Variants in SPEF2 observed in about 807,000 individuals in gnomAD.
SPEF2 encodes sperm flagella and cilia-associated protein 2.
A neutral mutation model predicts 224.6 loss-of-function variants in SPEF2; 187 were observed. That is an observed-to-expected ratio of 0.83 (90% CI 0.74 to 0.94). SPEF2 has a LOEUF of 0.94. Ranked by LOEUF, SPEF2 falls within the 40% of genes least tolerant of loss-of-function variation. SPEF2 has a pLI of 0.00. For missense variants in SPEF2, 2,170 were observed against 2,135.6 expected (o/e 1.02, Z -0.32); for synonymous variants, 715 against 707.3 (o/e 1.01, Z -0.17).
At chr5:35,703,183 T>A (rs1404729637) in intron 16 of SPEF2, among the ~76,000 whole-genome samples, 2 of 152,044 alleles carry the variant, frequency 1.3e-5, no homozygotes, top group East Asian at 3.9e-4. Context: ...TGATTTTTTT[T>A]AGCTAGGGAA....
At chr5:35,649,816 C>A (rs1227263400) in intron 6 of SPEF2, among the ~76,000 whole-genome samples, 1 of 152,134 alleles carries the variant, frequency 6.6e-6, no homozygotes, top group East Asian at 1.9e-4. Flanking sequence ...AGCATAGAGA[C>A]CAGCAGTAAG....
chr5:35,698,652 G>T (rs865917636), intron 15 of SPEF2: 1 of 152,298 alleles, frequency 6.6e-6, no homozygotes, highest in Admixed American at 6.5e-5. Context: ...TGCCCCTGAG[G>T]CTCCTCCAGA....
chr5:35,801,298 C>T (rs1003740067), intron 34 of SPEF2, among the ~76,000 whole-genome samples: 4 of 152,120 alleles, frequency 2.6e-5, no homozygotes, highest in Admixed American at 2.6e-4. Flanking sequence ...GGTGGCTCAC[C>T]TGAGGTCAGG....
intron 2 of SPEF2, among the ~76,000 whole-genome samples, chr5:35,634,962 A>G (rs1745624038): frequency 6.6e-6 from 1 of 151,994 alleles, no homozygotes; most frequent in Non-Finnish European, 1.5e-5. Flanking sequence ...CTCTTCTTGA[A>G]TGTGATAGTT....
rs180976148 is a variant in SPEF2, at chr5:35,727,829, G to A, written c.3063+6G>A. On this transcript the variant is annotated splice_donor_region_variant and intron_variant, in intron 21 of 36. Transcript: ENST00000356031. ...TGAATGAACCAGTTCCTGAGGTATG[G>A]CCATTTAGAATCAAGCTGGCAGAAT... 2.2e-5 allele frequency: 35 copies of A among 1,605,808 alleles called. No homozygotes were observed. The African/African-American group carries it at 3.6e-4, about 17-fold the overall frequency.
intron 1 of SPEF2, among the ~76,000 whole-genome samples, chr5:35,626,467 G>T (rs1269323255): frequency 6.6e-6 from 1 of 152,164 alleles, no homozygotes; most frequent in Non-Finnish European, 1.5e-5. Context: ...TGAACACAAG[G>T]TTATGTGATT....
At position 35,641,296 on chromosome 5, in the gene SPEF2, T is replaced by G. The variant is rs1580083994; in HGVS notation, c.162-135T>G. The G allele has an allele frequency of 4.9e-6, 5 of 1,026,374 alleles. No individual in the cohort carries two copies. In the East Asian group the frequency reaches 1.3e-4, roughly 27 times the overall value. The allele number at this position is 1,026,374 out of a possible 1,614,324, so 63.6% of individuals were successfully genotyped here. The stretch of plus-strand genomic sequence containing the variant: ...TCTCAATGTAGTTACATTAGAGTGG[T>G]TTTAGAGAGGAATGATACAGCTAAA... On this transcript the variant is annotated intron_variant, in intron 2 of 36. Coordinates refer to ENST00000356031, the MANE Select transcript of SPEF2 (RefSeq NM_024867.4).
chr5:35,750,017 T>C (rs1749162630), intron 23 of SPEF2, among the ~76,000 whole-genome samples: 1 of 152,068 alleles, frequency 6.6e-6, no homozygotes, highest in Non-Finnish European at 1.5e-5. Flanking sequence ...CATAGACCAA[T>C]GGAACAGAAT....
intron 33 of SPEF2, among the ~76,000 whole-genome samples, chr5:35,798,110 A>G (rs1014741693): frequency 3.3e-5 from 5 of 152,088 alleles, no homozygotes; most frequent in African/African-American, 9.7e-5. Flanking sequence ...ACAAGCCACA[A>G]TCAGCTTCAC....
chr5:35,731,782 GA>G (rs973614434), intron 21 of SPEF2, among the ~76,000 whole-genome samples: 24 of 152,154 alleles, frequency 1.6e-4, no homozygotes, highest in Non-Finnish European at 8.8e-5. Flanking sequence ...CTAACAAAGG[GA>G]AAACTATTTA....
intron 10 of SPEF2, among the ~76,000 whole-genome samples, chr5:35,685,822 G>T (rs1370245999): frequency 2.0e-5 from 3 of 147,120 alleles, no homozygotes; most frequent in Non-Finnish European, 4.5e-5. Context: ...GTTAGGAAAT[G>T]AGCTAAATCA....
intron 7 of SPEF2, among the ~76,000 whole-genome samples, chr5:35,656,350 G>A (rs1046362736): frequency 6.6e-6 from 1 of 152,068 alleles, no homozygotes; most frequent in African/African-American, 2.4e-5. Flanking sequence ...TTCTTTCTTA[G>A]TGAAAGTTCA....
Position 35,759,611 on chromosome 5 carries a change from A to T in SPEF2, c.3512A>T (p.Asp1171Val), listed in dbSNP as rs571115396. 1.9e-6 allele frequency: 3 copies of T among 1,611,166 alleles called. No individual in the cohort carries two copies. The highest frequency in any genetic ancestry group is 4.5e-5 in the East Asian group (2 of 44,788). ...RFQDTKRLLQ[D>V]YYWGMESKIP... The stretch of plus-strand genomic sequence containing the variant: ...CAAGATACAAAGAGACTCCTTCAAG[A>T]TTATTACTGGGGAATGGAAAGTAAA... Residue 1171 changes from aspartate (D) to valine (V), a missense_variant, in exon 25 of 37, where the codon GAT becomes GTT. Physicochemically the swap from Asp to Val is radical, Grantham distance 152. Coordinates refer to ENST00000356031, the MANE Select transcript of SPEF2 (RefSeq NM_024867.4).
chr5:35,618,129 C>G, intron 1 of SPEF2, 74 bp downstream of exon 1: 1 of 1,501,700 alleles, frequency 6.7e-7, no homozygotes. Flanking sequence ...GCGCAGCGCA[C>G]TCAGGGAAGG....
intron 25 of SPEF2, among the ~76,000 whole-genome samples, chr5:35,760,600 C>A (rs1751139347): frequency 6.6e-6 from 1 of 152,008 alleles, no homozygotes; most frequent in Non-Finnish European, 1.5e-5. Context: ...AAAAAATAAA[C>A]TTGGTGGTAG....
At chr5:35,630,565 G>A (rs1018166502) in intron 2 of SPEF2, among the ~76,000 whole-genome samples, 3 of 152,072 alleles carry the variant, frequency 2.0e-5, no homozygotes, top group African/African-American at 4.8e-5. Context: ...GCATGGTGGC[G>A]GGCGTCTGTA....
intron 6 of SPEF2, among the ~76,000 whole-genome samples, chr5:35,652,684 A>G (rs1385293330): frequency 2.6e-5 from 4 of 152,192 alleles, no homozygotes; most frequent in African/African-American, 9.6e-5. Flanking sequence ...GAAAAATAGG[A>G]TACTTCTCTT....
chr5:35,712,713 T>C (rs1741413159), intron 19 of SPEF2, 99 bp from the exon 20 acceptor site: 3 of 1,163,778 alleles, frequency 2.6e-6, no homozygotes, highest in Non-Finnish European at 3.8e-6. Flanking sequence ...CAAATGTAAC[T>C]GTTTACCTAT....
intron 30 of SPEF2, chr5:35,791,554 G>A (rs561472981): frequency 3.3e-5 from 5 of 152,212 alleles, no homozygotes; most frequent in South Asian, 4.1e-4. Flanking sequence ...TACACATTAG[G>A]AGTCTCTCCT....
Sources: gnomAD v4.1 joint callset for allele counts (sites outside exome capture counted in the v4.1 genomes callset) on GRCh38, gnomAD v4.1.1 for gene constraint, MANE v1.5 for transcripts, NCBI Gene and HGNC (gene_info 2026-07-23, HGNC 2026-07-21) for gene names.